Variants in FBLN5 observed in about 807,000 individuals in gnomAD.
FBLN5 encodes the protein fibulin-5.
In FBLN5, 24 loss-of-function variants were observed where a neutral mutation model predicts 61.6. The ratio of observed to expected loss-of-function variants is 0.39; its 90% confidence interval spans 0.28 to 0.55. The LOEUF (loss-of-function observed/expected upper bound fraction) is 0.55, where lower values mean the gene tolerates loss of function less well. Ranked by LOEUF, FBLN5 falls within the 20% of genes least tolerant of loss-of-function variation. The pLI, the probability that FBLN5 is intolerant of heterozygous loss-of-function variation, is 0.65. For synonymous variants in FBLN5, 213 were observed against 219.8 expected (o/e 0.97, Z 0.27); for missense variants, 470 against 594.1 (o/e 0.79, Z 2.17).
chr14:91,879,514 C>T (rs554776041), intron 9 of FBLN5, among the ~76,000 whole-genome samples: 99 of 152,258 alleles, frequency 6.5e-4, no homozygotes, highest in African/African-American at 2.2e-3. Flanking sequence ...AGAGACTCCA[C>T]CAGTAACTCC....
rs2300138 is a variant in FBLN5 at position 91,904,122 on chromosome 14, G to A, written c.380-9050C>T. Reference sequence around the variant, plus strand: ...TACAATATACTTAGCCACGTGCATCGGAACCTCCAGTTTCTTGAAAGCAGG... The same window carrying A: ...TACAATATACTTAGCCACGTGCATCAGAACCTCCAGTTTCTTGAAAGCAGG... On this transcript the variant is annotated intron_variant, in intron 4 of 10. Transcript: ENST00000342058. Among the ~76,000 whole-genome samples the A allele has an allele frequency of 3.9e-4, 60 of 152,172 alleles. 2 individuals carry two copies. In the East Asian group the frequency reaches 9.8e-3, roughly 25 times the overall value.
At chr14:91,930,524 G>C (rs193245308) in intron 4 of FBLN5, among the ~76,000 whole-genome samples, 1 of 152,130 alleles carries the variant, frequency 6.6e-6, no homozygotes, top group Non-Finnish European at 1.5e-5. Flanking sequence ...TCGGTTTCAT[G>C]GTTTCACGCA....
intron 5 of FBLN5, among the ~76,000 whole-genome samples, chr14:91,892,418 C>T (rs1890033219): frequency 6.6e-6 from 1 of 152,200 alleles, no homozygotes; most frequent in Non-Finnish European, 1.5e-5. Context: ...CGGCTTAGAG[C>T]CTCAGTCCTT....
Position 91,882,288 on chromosome 14 carries a change from A to G in FBLN5, c.862+666T>C, listed in dbSNP as rs1176725083. On this transcript the variant is annotated intron_variant, in intron 8 of 10. Transcript: ENST00000342058. This position sits in a 1 kb window ranked among gnomAD's most constrained non-coding sequence, Gnocchi z 4.9. ...ATGGCTCACATCTGTAGCTCACATG[A>G]TATTTCTATTGCCTGGCACTACTAC... 6.6e-6 allele frequency among the ~76,000 whole-genome samples: 1 copy of G among 152,258 alleles called. No homozygotes were observed. Among genetic ancestry groups the G allele is most frequent in the African/African-American group, 2.4e-5 (1 of 41,476 alleles).
intron 2 of FBLN5, among the ~76,000 whole-genome samples, chr14:91,941,494 G>A (rs1002078529): frequency 6.6e-6 from 1 of 152,194 alleles, no homozygotes; most frequent in Non-Finnish European, 1.5e-5. Context: ...AGCTTCGGAG[G>A]TTGGGCTTCG....
chr14:91,905,487 C>G (rs879738624), intron 4 of FBLN5, among the ~76,000 whole-genome samples: 9 of 152,026 alleles, frequency 5.9e-5, no homozygotes, highest in Admixed American at 5.9e-4. Context: ...TTCTGGAGCC[C>G]AAAACCTCCT....
At chr14:91,912,179 G>T (rs1446201067) in intron 4 of FBLN5, among the ~76,000 whole-genome samples, 1 of 152,120 alleles carries the variant, frequency 6.6e-6, no homozygotes, top group Non-Finnish European at 1.5e-5. Flanking sequence ...CCTCTTTCAA[G>T]ACTTTTTAAG....
At chr14:91,874,614 A>G (rs1404229141) in intron 10 of FBLN5, 1 of 152,156 alleles carries the variant, frequency 6.6e-6, no homozygotes, top group Non-Finnish European at 1.5e-5. Context: ...CGATAAAACC[A>G]TCCTATATCA....
At chr14:91,898,796 CTTTTTTTT>C (rs35840279) in intron 4 of FBLN5, among the ~76,000 whole-genome samples, 36 of 84,232 alleles carry the variant, frequency 4.3e-4, no homozygotes, top group East Asian at 1.7e-3. Context: ...TTCATTCATT[CTTTTTTTT>C]TTTTTTTTTT....
At chr14:91,924,401 G>A (rs756261337) in intron 4 of FBLN5, among the ~76,000 whole-genome samples, 16 of 152,142 alleles carry the variant, frequency 1.1e-4, no homozygotes, top group Non-Finnish European at 1.9e-4. Flanking sequence ...AAAATACTAT[G>A]GTGAGACCGC....
At chr14:91,921,026 C>T (rs148662390) in intron 4 of FBLN5, among the ~76,000 whole-genome samples, 110 of 152,320 alleles carry the variant, frequency 7.2e-4, no homozygotes, top group African/African-American at 2.6e-3. Flanking sequence ...GGGAATTCTA[C>T]GAGGTGTTCT....
chr14:91,914,813 GTT>G (rs201624750), intron 4 of FBLN5, among the ~76,000 whole-genome samples: 1 of 145,072 alleles, frequency 6.9e-6, no homozygotes. Flanking sequence ...TATCTGTGTG[GTT>G]TTTTTTTTTG....
chr14:91,883,182 GCTTTACT>G, intron 7 of FBLN5, 106 bp from the exon 8 acceptor site: 1 of 1,301,928 alleles, frequency 7.7e-7, no homozygotes, highest in African/African-American at 1.4e-5. Flanking sequence ...ACATACAATG[GCTTTACT>G]GCCAAGAAGC....
chr14:91,917,709 C>T (rs1891256783), intron 4 of FBLN5, among the ~76,000 whole-genome samples: 1 of 151,622 alleles, frequency 6.6e-6, no homozygotes, highest in African/African-American at 2.4e-5. Context: ...ATGACTAATA[C>T]ACTGAATTTA....
chr14:91,877,907 G>C, intron 9 of FBLN5: 1 of 632,318 alleles, frequency 1.6e-6, no homozygotes, highest in Non-Finnish European at 2.9e-6. Context: ...AGATGTTCTG[G>C]CTACTAAATA....
At chr14:91,870,429 G>C (rs1361551015) in intron 10 of FBLN5, 44 bp from the exon 11 acceptor site, 5 of 1,608,426 alleles carry the variant, frequency 3.1e-6, no homozygotes, top group Non-Finnish European at 4.3e-6. Context: ...AGGCCTGCAT[G>C]GTGGCCCTGC....
At chr14:91,924,174 ACATCAGG>A (rs2055787949) in intron 4 of FBLN5, among the ~76,000 whole-genome samples, 1 of 152,228 alleles carries the variant, frequency 6.6e-6, no homozygotes, top group African/African-American at 2.4e-5. Flanking sequence ...AAAAATTGCA[ACATCAGG>A]CATAAATGGG....
intron 9 of FBLN5, among the ~76,000 whole-genome samples, chr14:91,879,279 G>C (rs894535313): frequency 1.3e-5 from 2 of 152,200 alleles, no homozygotes; most frequent in Admixed American, 6.5e-5. Context: ...GGCAGGACTG[G>C]CTATGTGGAA....
chr14:91,882,994 A>G lies in FBLN5; in HGVS notation c.822T>C (p.Pro274=), dbSNP rs757006556. Residue 274 remains proline (P), a synonymous_variant, in exon 8 of 11, where the codon CCT becomes CCC. Coordinates refer to ENST00000342058, the MANE Select transcript of FBLN5 (RefSeq NM_006329.4). This position sits in a 1 kb window ranked among gnomAD's most constrained non-coding sequence, Gnocchi z 4.9. ...TGTCATCCAGCAGGATGTAGCCTGGAGGGCAGGAGCAGAAGTATGTGCCGG... is the reference window on the plus strand; with the variant it reads ...TGTCATCCAGCAGGATGTAGCCTGGGGGGCAGGAGCAGAAGTATGTGCCGG... The part of the protein sequence containing the change: ...NQPGTYFCSC[P]PGYILLDDNR... 1 of 1,614,106 alleles carries G rather than the reference A, an allele frequency of 6.2e-7. No homozygotes were observed. Among genetic ancestry groups the G allele is most frequent in the South Asian group, 1.1e-5 (1 of 91,078 alleles).
Sources: gnomAD v4.1 joint callset for allele counts (sites outside exome capture counted in the v4.1 genomes callset) on GRCh38, gnomAD v4.1.1 for gene constraint, Gnocchi (gnomAD v3.1) non-coding constraint, MANE v1.5 for transcripts, NCBI Gene and HGNC (gene_info 2026-07-23, HGNC 2026-07-21) for gene names.